Variants in PSMD3 observed in about 807,000 individuals in gnomAD.
PSMD3 encodes the protein 26S proteasome non-ATPase regulatory subunit 3.
PSMD3 carries 5 observed loss-of-function variants against 62.8 expected under a neutral mutation model. The ratio of observed to expected loss-of-function variants is 0.08; its 90% CI spans 0.04 to 0.17. The LOEUF is 0.17. Among genes scored for constraint, PSMD3 ranks in the 10% least tolerant of loss-of-function variants. The probability of loss-of-function intolerance (pLI) is 1.00; values close to 1 mark genes in which losing one functional copy is unlikely to be tolerated. For missense variants in PSMD3, 524 were observed against 713.6 expected (o/e 0.73, Z 3.03); for synonymous variants, 265 against 283.9 (o/e 0.93, Z 0.67).
chr17:39,997,860 C>T lies in PSMD3; in HGVS notation c.*279C>T. ...AGGAGGGGAAGGATAGTTCTGTGTA[C>T]TCCTTTAGGGAGTGGGGGACTAGAA... On this transcript the variant is annotated 3_prime_UTR_variant, in exon 12 of 12. Transcript: ENST00000264639. The T allele has an allele frequency of 1.9e-6, 1 of 527,300 alleles. No homozygotes were observed. Among genetic ancestry groups the T allele is most frequent in the Non-Finnish European group, 3.4e-6 (1 of 290,058 alleles). 32.7% of individuals were successfully genotyped at this position (527,300 alleles called of 1,614,324 possible).
intron 3 of PSMD3, among the ~76,000 whole-genome samples, chr17:39,988,261 G>A (rs558956038): frequency 2.6e-5 from 4 of 152,206 alleles, no homozygotes; most frequent in South Asian, 2.1e-4. Flanking sequence ...GCCCCTGGCC[G>A]CTACTAATCT....
At chr17:39,992,926 G>A (rs995537814) in intron 6 of PSMD3, 1 of 152,304 alleles carries the variant, frequency 6.6e-6, no homozygotes, top group Non-Finnish European at 1.5e-5. Flanking sequence ...TTCTCTCCTT[G>A]AGTGACCTTG....
intron 4 of PSMD3, 42 bp from the exon 5 acceptor site, chr17:39,989,697 T>C (rs1422427819): frequency 1.3e-6 from 2 of 1,567,300 alleles, no homozygotes; most frequent in East Asian, 2.3e-5. Context: ...GTTCAGAGAG[T>C]TGTGATTTGA....
chr17:39,986,377 T>C (rs1980524055), intron 2 of PSMD3, among the ~76,000 whole-genome samples, 198 bp from the exon 3 acceptor site: 1 of 152,232 alleles, frequency 6.6e-6, no homozygotes, highest in Non-Finnish European at 1.5e-5. Flanking sequence ...ACTACCGGCG[T>C]GAGCCACCAC....
At chr17:39,983,642 G>A (rs765020877) in intron 1 of PSMD3, among the ~76,000 whole-genome samples, 3 of 152,030 alleles carry the variant, frequency 2.0e-5, no homozygotes, top group Non-Finnish European at 4.4e-5. Flanking sequence ...AATCTTTTGT[G>A]CGTATGTGAT....
intron 1 of PSMD3, 76 bp from the exon 2 acceptor site, chr17:39,984,218 A>AG: frequency 3.3e-6 from 3 of 904,284 alleles, no homozygotes; most frequent in Middle Eastern, 3.8e-4. Flanking sequence ...AAAAAAAAAA[A>AG]AAAAGAACTC....
chr17:39,985,918 C>G (rs1249460306), intron 2 of PSMD3, among the ~76,000 whole-genome samples: 1 of 152,022 alleles, frequency 6.6e-6, no homozygotes, highest in Non-Finnish European at 1.5e-5. Context: ...TTCGTTCAGC[C>G]CTGTCCAGTA....
chr17:39,980,946 G>A lies in PSMD3; in HGVS notation c.-25G>A, dbSNP rs764238109. On this transcript the variant is annotated 5_prime_UTR_variant, in exon 1 of 12. Transcript: ENST00000264639. The stretch of plus-strand genomic sequence containing the variant: ...ACGCGAGGCCCCGGCCTCGGTCCCC[G>A]GACTAGGCCGTGACCCCGGGTGCCA... 2 of 1,503,114 alleles carry A rather than the reference G, an allele frequency of 1.3e-6. No individual in the cohort carries two copies. The highest frequency in any genetic ancestry group is 1.4e-5 in the African/African-American group (1 of 71,770). 93.1% of individuals were successfully genotyped at this position (1,503,114 alleles called of 1,614,324 possible). A position where few individuals can be genotyped will look rare whatever the true frequency, so the allele number is the denominator to read the frequency against.
intron 6 of PSMD3, chr17:39,993,000 G>C (rs1033336476): frequency 6.6e-6 from 1 of 152,198 alleles, no homozygotes; most frequent in African/African-American, 2.4e-5. Flanking sequence ...TACTAACTCC[G>C]TTACTCTGCT....
Position 39,995,160 on chromosome 17 carries a change from C to G in PSMD3, c.1097-16C>G, listed in dbSNP as rs191334485. The stretch of plus-strand genomic sequence containing the variant: ...GCCTATTTGCATCATCCAATCTACT[C>G]CTGTTCTGCCTGCAGCTGTCAGGAC... On this transcript the variant is annotated splice_polypyrimidine_tract_variant and intron_variant, in intron 7 of 11. Transcript: ENST00000264639. The surrounding 1 kb of genome is among the most constrained non-coding windows in gnomAD (Gnocchi z 4.1). The G allele has an allele frequency of 1.8e-3, 2,965 of 1,614,134 alleles. 85 individuals are homozygous for G. In the Admixed American group the frequency reaches 0.042, roughly 23 times the overall value.
intron 3 of PSMD3, among the ~76,000 whole-genome samples, chr17:39,987,240 C>G (rs184364878): frequency 6.6e-6 from 1 of 152,242 alleles, no homozygotes; most frequent in African/African-American, 2.4e-5. Flanking sequence ...CCAGCTAGGG[C>G]CAGCTTCTTT....
Position 39,995,691 on chromosome 17 carries a change from G to A in PSMD3, c.1320+164G>A, listed in dbSNP as rs1598315396. The A allele has an allele frequency of 1.4e-6, 1 of 695,836 alleles. No homozygotes were observed. The highest frequency in any genetic ancestry group is 2.7e-5 in the East Asian group (1 of 36,590). 43.1% of individuals were successfully genotyped at this position (695,836 alleles called of 1,614,324 possible). ...GCAGTGAAGCCAAGAAGTTGCCAGAGAGAGCATGGATGTGCATGTGAGTGT... is the reference window on the plus strand; with the variant it reads ...GCAGTGAAGCCAAGAAGTTGCCAGAAAGAGCATGGATGTGCATGTGAGTGT... On this transcript the variant is annotated intron_variant, in intron 9 of 11. Transcript: ENST00000264639. The surrounding 1 kb of genome is among the most constrained non-coding windows in gnomAD (Gnocchi z 4.1).
chr17:39,990,683 G>C (rs1212471554), intron 6 of PSMD3, among the ~76,000 whole-genome samples: 1 of 152,188 alleles, frequency 6.6e-6, no homozygotes, highest in Non-Finnish European at 1.5e-5. Context: ...GTTTCTGGCA[G>C]ATAGGTTTAG....
intron 6 of PSMD3, 86 bp downstream of exon 6, chr17:39,990,283 G>C: frequency 1.7e-6 from 2 of 1,201,282 alleles, no homozygotes; most frequent in Non-Finnish European, 2.3e-6. Flanking sequence ...GGCTGGTCTT[G>C]AACTCCTGGG....
chr17:39,983,753 C>T (rs1469953615), intron 1 of PSMD3, among the ~76,000 whole-genome samples: 1 of 152,182 alleles, frequency 6.6e-6, no homozygotes, highest in South Asian at 2.1e-4. Context: ...CTTCCTCTGT[C>T]ATCCTCTACC....
Position 39,996,787 on chromosome 17 carries a change from C to T in PSMD3, c.1476+449C>T. 2.1e-6 allele frequency: 1 copy of T among 465,390 alleles called. No homozygotes were observed. The highest frequency in any genetic ancestry group is 1.5e-5 in the South Asian group (1 of 64,634). The allele number at this position is 465,390 out of a possible 1,614,324, so 28.8% of individuals were successfully genotyped here. A position where few individuals can be genotyped will look rare whatever the true frequency, so the allele number is the denominator to read the frequency against. On this transcript the variant is annotated intron_variant, in intron 10 of 11. Coordinates refer to ENST00000264639, the MANE Select transcript of PSMD3 (RefSeq NM_002809.4). This position sits in a 1 kb window ranked among gnomAD's most constrained non-coding sequence, Gnocchi z 5.1. ...AAGATGGCGCTGGTATCTAGCTCCA[C>T]AAAAGGGTGAGCCCTTATCCTCAGT...
At chr17:39,989,601 A>G in intron 4 of PSMD3, 138 bp from the exon 5 acceptor site, 1 of 829,986 alleles carries the variant, frequency 1.2e-6, no homozygotes, top group Non-Finnish European at 1.9e-6. Context: ...TAGGCACTCG[A>G]TAGTTAACAG....
chr17:39,981,061 G>A lies in PSMD3; in HGVS notation c.91G>A (p.Ala31Thr), dbSNP rs1490874554. Reference sequence around the variant, plus strand: ...AGAACAAGAACCCCCACCGCCGCCGGCCCCCCAGGATGTGGAGATGAAAGA... The same window carrying A: ...AGAACAAGAACCCCCACCGCCGCCGACCCCCCAGGATGTGGAGATGAAAGA... ...GGEQEPPPPP[A>T]PQDVEMKEEA... The change falls in exon 1 of 12, where the codon GCC becomes ACC. Residue 31 changes from alanine (A) to threonine (T), a missense_variant. This residue lies in a region of PSMD3 where 396 missense variants were observed against 475.8 expected (regional missense o/e 0.83). Coordinates refer to ENST00000264639, the MANE Select transcript of PSMD3 (RefSeq NM_002809.4). The A allele has an allele frequency of 1.9e-6, 3 of 1,549,924 alleles. No homozygotes were observed. The highest frequency in any genetic ancestry group is 2.6e-6 in the Non-Finnish European group (3 of 1,146,684).
chr17:39,989,224 C>T (rs1029406888), intron 4 of PSMD3, among the ~76,000 whole-genome samples: 16 of 152,344 alleles, frequency 1.1e-4, no homozygotes, highest in Non-Finnish European at 2.2e-4. Flanking sequence ...TCCCAGACTT[C>T]ACCTCCTCCT....
Sources: gnomAD v4.1 joint callset for allele counts (sites outside exome capture counted in the v4.1 genomes callset) on GRCh38, gnomAD v4.1.1 for gene constraint, gnomAD v4.1.1 regional missense constraint, Gnocchi (gnomAD v3.1) non-coding constraint, MANE v1.5 for transcripts, NCBI Gene and HGNC (gene_info 2026-07-23, HGNC 2026-07-21) for gene names.